TNFRSF11A: variants seen among roughly 807,000 people sequenced by gnomAD.
The protein encoded by TNFRSF11A is tumor necrosis factor receptor superfamily member 11A.
TNFRSF11A carries 32 observed loss-of-function variants against 55.7 expected under a neutral mutation model. The observed-to-expected ratio is 0.57, with a 90% CI of 0.43 to 0.77. The LOEUF (loss-of-function observed/expected upper bound fraction) is 0.77. Ranked by LOEUF, TNFRSF11A falls within the 30% of genes least tolerant of loss-of-function variation. The pLI is 0.00. For synonymous variants in TNFRSF11A, 311 were observed against 331.0 expected (o/e 0.94, Z 0.65); for missense variants, 753 against 809.8 (o/e 0.93, Z 0.85).
intron 7 of TNFRSF11A, among the ~76,000 whole-genome samples, chr18:62,363,685 A>G (rs1365984277): frequency 1.3e-5 from 2 of 152,136 alleles, no homozygotes; most frequent in Non-Finnish European, 1.5e-5. Flanking sequence ...ACCATTTCTT[A>G]AAGAGTCTGT....
chr18:62,325,323 G>A lies in TNFRSF11A; in HGVS notation c.-30G>A. 1.0e-6 allele frequency: 1 copy of A among 995,056 alleles called. No individual in the cohort carries two copies. Among genetic ancestry groups the A allele is most frequent in the South Asian group, 4.1e-5 (1 of 24,650 alleles). 61.6% of individuals were successfully genotyped at this position (995,056 alleles called of 1,614,324 possible). ...CCGCTGGGCCACAGAGGCCGCTGAGGCCGCGGCGCCCGCCAGCCTGTCCCG... is the reference window on the plus strand; with the variant it reads ...CCGCTGGGCCACAGAGGCCGCTGAGACCGCGGCGCCCGCCAGCCTGTCCCG... On this transcript the variant is annotated 5_prime_UTR_variant, in exon 1 of 10. Coordinates refer to ENST00000586569, the MANE Select transcript of TNFRSF11A (RefSeq NM_003839.4). This position sits in a 1 kb window ranked among gnomAD's most constrained non-coding sequence, Gnocchi z 4.7.
intron 9 of TNFRSF11A, among the ~76,000 whole-genome samples, chr18:62,381,001 C>T (rs1245586868): frequency 6.6e-6 from 1 of 152,022 alleles, no homozygotes; most frequent in Admixed American, 6.6e-5. Flanking sequence ...GGCAGGGTTT[C>T]ACCATGTTGC....
At chr18:62,338,992 G>C (rs1429636806) in intron 1 of TNFRSF11A, among the ~76,000 whole-genome samples, 1 of 152,148 alleles carries the variant, frequency 6.6e-6, no homozygotes, top group Non-Finnish European at 1.5e-5. Flanking sequence ...CCACTTTGCT[G>C]TCGGCTCCTG....
Position 62,385,223 on chromosome 18 carries a change from C to A in TNFRSF11A, c.*189C>A. 3.3e-6 allele frequency: 2 copies of A among 606,628 alleles called. No homozygotes were observed. Among genetic ancestry groups the A allele is most frequent in the Non-Finnish European group, 2.5e-6 (1 of 395,536 alleles). 37.6% of individuals were successfully genotyped at this position (606,628 alleles called of 1,614,324 possible). On this transcript the variant is annotated 3_prime_UTR_variant, in exon 10 of 10. Coordinates refer to ENST00000586569, the MANE Select transcript of TNFRSF11A (RefSeq NM_003839.4). ...GAAGTGAATTGATGAGGACTGTCCC[C>A]ATGCCCACGGATGCTCAGCAGCCCG...
At chr18:62,366,681 T>G in intron 7 of TNFRSF11A, 27 bp from the exon 8 acceptor site, 1 of 1,612,970 alleles carries the variant, frequency 6.2e-7, no homozygotes, top group African/African-American at 1.3e-5. Context: ...TAACTTGAAG[T>G]CCTTATCCTT....
intron 7 of TNFRSF11A, among the ~76,000 whole-genome samples, chr18:62,362,510 A>AT (rs1381773915): frequency 6.6e-6 from 1 of 151,186 alleles, no homozygotes; most frequent in Non-Finnish European, 1.5e-5. Flanking sequence ...AAAAAAAAAA[A>AT]AAAGAACCTT....
intron 1 of TNFRSF11A, among the ~76,000 whole-genome samples, chr18:62,340,035 G>T (rs1321650396): frequency 6.6e-6 from 1 of 152,012 alleles, no homozygotes; most frequent in Admixed American, 6.6e-5. Flanking sequence ...AGGCCTTGTA[G>T]TCCCAGCTAC....
intron 3 of TNFRSF11A, among the ~76,000 whole-genome samples, chr18:62,353,812 G>A (rs1349680512): frequency 1.3e-5 from 2 of 152,160 alleles, no homozygotes; most frequent in Non-Finnish European, 1.5e-5. Context: ...AGAAGGCCAT[G>A]TGTTGTGAAA....
rs1568503866 is a variant in TNFRSF11A, at chr18:62,389,645, G to A, written c.*4611G>A. ...TACCTCCCTCTTACCCAGTTATCCT[G>A]ACCCCAGGGTGAGGTTGAAACTCAT... is the stretch of plus-strand genomic sequence containing the variant. On this transcript the variant is annotated 3_prime_UTR_variant, in exon 10 of 10. Transcript: ENST00000586569. The A allele has an allele frequency of 6.6e-6, 1 of 152,138 alleles. No individual in the cohort carries two copies. Among genetic ancestry groups the A allele is most frequent in the Non-Finnish European group, 1.5e-5 (1 of 68,038 alleles). The allele number at this position is 152,138 out of a possible 1,614,324, so 9.4% of individuals were successfully genotyped here. A position where few individuals can be genotyped will look rare whatever the true frequency, so the allele number is the denominator to read the frequency against.
intron 9 of TNFRSF11A, 33 bp downstream of exon 9, chr18:62,369,517 A>G (rs370560519): frequency 1.2e-5 from 19 of 1,599,268 alleles, no homozygotes; most frequent in Non-Finnish European, 1.5e-5. Context: ...ACTTCTGAGC[A>G]GAAGGGCCAG....
At chr18:62,364,497 A>C (rs941207656) in intron 7 of TNFRSF11A, among the ~76,000 whole-genome samples, 2 of 152,144 alleles carry the variant, frequency 1.3e-5, no homozygotes, top group African/African-American at 2.4e-5. Flanking sequence ...AGCTGTTTGC[A>C]GTTGTCCAGA....
intron 9 of TNFRSF11A, among the ~76,000 whole-genome samples, chr18:62,375,842 A>T (rs539494485): frequency 1.6e-4 from 24 of 152,092 alleles, no homozygotes; most frequent in Middle Eastern, 3.4e-3. Context: ...ACAAAAATTT[A>T]AAAAAAATTA....
In TNFRSF11A at chr18:62,384,392, C is replaced by T. The variant is rs1199651788; in HGVS notation, c.1568-359C>T. Reference sequence around the variant, plus strand: ...CTCCTCCTCCTCTTCCTCCCCTCCTCCTCCCCCCTTCTTGTTCCTCTCTCC... The same window carrying T: ...CTCCTCCTCCTCTTCCTCCCCTCCTTCTCCCCCCTTCTTGTTCCTCTCTCC... On this transcript the variant is annotated intron_variant, in intron 9 of 9. Transcript: ENST00000586569. Among the ~76,000 whole-genome samples the T allele has an allele frequency of 2.1e-5, 3 of 141,262 alleles. No individual in the cohort carries two copies. In the East Asian group the frequency reaches 6.5e-4, roughly 31 times the overall value. The allele number at this position is 141,262 out of a possible 152,430, so 92.7% of individuals were successfully genotyped here.
At position 62,342,401 on chromosome 18, in the gene TNFRSF11A, C is replaced by CAAAAAAAAAAA. The variant is rs371734407; in HGVS notation, c.76-5753_76-5743dup. Among the ~76,000 whole-genome samples the CAAAAAAAAAAA allele has an allele frequency of 9.1e-3, 568 of 62,190 alleles. 36 individuals carry two copies. Among genetic ancestry groups the CAAAAAAAAAAA allele is most frequent in the African/African-American group, 0.02 (385 of 19,140 alleles). The allele number at this position is 62,190 out of a possible 152,430, so 40.8% of individuals were successfully genotyped here. A position where few individuals can be genotyped will look rare whatever the true frequency, so the allele number is the denominator to read the frequency against. The stretch of plus-strand genomic sequence containing the variant: ...TGGGTGACAGAGTGAGATTCTGTCT[C>CAAAAAAAAAAA]AAAAAAAAAAAAAAAAAAAAAAAAT... On this transcript the variant is annotated intron_variant, in intron 1 of 9. Transcript: ENST00000586569.
At position 62,325,385 on chromosome 18, in the gene TNFRSF11A, G is replaced by C. The variant is rs369418441; in HGVS notation, c.33G>C (p.Leu11=). The change falls in exon 1 of 10, where the codon CTG becomes CTC. Residue 11 remains leucine (L), a synonymous_variant. Coordinates refer to ENST00000586569, the MANE Select transcript of TNFRSF11A (RefSeq NM_003839.4). This position sits in a 1 kb window ranked among gnomAD's most constrained non-coding sequence, Gnocchi z 4.7. MAPRARRRRP[L]FALLLLCALL... is the part of the protein sequence containing the mutation. ...CGCGCGCCCGGCGGCGCCGCCCGCTGTTCGCGCTGCTGCTGCTCTGCGCGC... is the reference window on the plus strand; with the variant it reads ...CGCGCGCCCGGCGGCGCCGCCCGCTCTTCGCGCTGCTGCTGCTCTGCGCGC... The C allele has an allele frequency of 7.2e-6, 8 of 1,109,896 alleles. No individual in the cohort carries two copies. The East Asian group carries it at 1.7e-4, about 24-fold the overall frequency. 68.8% of individuals were successfully genotyped at this position (1,109,896 alleles called of 1,614,324 possible).
intron 1 of TNFRSF11A, among the ~76,000 whole-genome samples, chr18:62,341,988 A>G (rs772366439): frequency 6.6e-6 from 1 of 151,510 alleles, no homozygotes; most frequent in Non-Finnish European, 1.5e-5. Context: ...CTGAAGCCCA[A>G]CTCAGTTCTT....
chr18:62,390,951 C>T lies in TNFRSF11A; in HGVS notation c.*5917C>T, dbSNP rs973405001. ...AAAATACATAGTTGTGTAACCACCA[C>T]CATCACAATCAAGATATAGAATATT... On this transcript the variant is annotated 3_prime_UTR_variant, in exon 10 of 10. Transcript: ENST00000586569. 3 of 152,198 alleles carry T rather than the reference C, an allele frequency of 2.0e-5. No homozygotes were observed. Among genetic ancestry groups the T allele is most frequent in the Admixed American group, 6.5e-5 (1 of 15,282 alleles). 9.4% of individuals were successfully genotyped at this position (152,198 alleles called of 1,614,324 possible). A position where few individuals can be genotyped will look rare whatever the true frequency, so the allele number is the denominator to read the frequency against.
rs549093938 is a variant in TNFRSF11A, at chr18:62,390,862, A to G, written c.*5828A>G. 6.6e-6 allele frequency: 1 copy of G among 152,318 alleles called. No individual in the cohort carries two copies. The highest frequency in any genetic ancestry group is 6.5e-5 in the Admixed American group (1 of 15,302). The allele number at this position is 152,318 out of a possible 1,614,324, so 9.4% of individuals were successfully genotyped here. ...AATAAACATTTTTTACATCGGGTCTATTGAGTTTGTTATATACAGTAAAAT... is the reference window on the plus strand; with the variant it reads ...AATAAACATTTTTTACATCGGGTCTGTTGAGTTTGTTATATACAGTAAAAT... On this transcript the variant is annotated 3_prime_UTR_variant, in exon 10 of 10. Transcript: ENST00000586569.
intron 3 of TNFRSF11A, among the ~76,000 whole-genome samples, chr18:62,351,158 A>G (rs142601517): frequency 0.017 from 2,592 of 151,886 alleles, 32 homozygotes; most frequent in Middle Eastern, 0.13. Flanking sequence ...ACGTGCCACC[A>G]TGCCTGGCTA....
Sources: gnomAD v4.1 joint callset for allele counts (sites outside exome capture counted in the v4.1 genomes callset) on GRCh38, gnomAD v4.1.1 for gene constraint, Gnocchi (gnomAD v3.1) non-coding constraint, MANE v1.5 for transcripts, NCBI Gene and HGNC (gene_info 2026-07-23, HGNC 2026-07-21) for gene names.